Variants in PCDHA1 observed in about 807,000 individuals in gnomAD.
PCDHA1 encodes the protein protocadherin alpha-1.
PCDHA1 carries 42 observed loss-of-function variants against 61.3 expected under a neutral mutation model. The observed-to-expected ratio is 0.69, with a 90% CI of 0.54 to 0.89. PCDHA1 has a LOEUF of 0.89. Among genes scored for constraint, PCDHA1 ranks in the 40% least tolerant of loss-of-function variants. The pLI, the probability that PCDHA1 is intolerant of heterozygous loss-of-function variation, is 0.00. For synonymous variants in PCDHA1, 610 were observed against 553.8 expected, an observed-to-expected ratio of 1.10 and a Z score of -1.43; for missense variants, 1,256 against 1,235.3, an observed-to-expected ratio of 1.02 and a Z score of -0.25.
At chr5:140,821,906 T>G (rs2150111848) in intron 1 of PCDHA1, 2 of 1,614,228 alleles carry the variant, frequency 1.2e-6, no homozygotes, top group Non-Finnish European at 1.7e-6. Flanking sequence ...GGAACCTTCG[T>G]TGGCCGCATC....
intron 1 of PCDHA1, chr5:140,882,602 A>T: frequency 6.2e-7 from 1 of 1,614,276 alleles, no homozygotes; most frequent in Non-Finnish European, 8.5e-7. Flanking sequence ...GATCGTGGAC[A>T]GGCCTCTGCA....
chr5:140,839,351 T>C (rs1465264211), intron 1 of PCDHA1, among the ~76,000 whole-genome samples: 3 of 147,262 alleles, frequency 2.0e-5, no homozygotes, highest in Non-Finnish European at 4.5e-5. Context: ...GGATCCTCCT[T>C]AGCCACCTAA....
At chr5:140,875,884 C>T (rs531777396) in intron 1 of PCDHA1, 2 of 1,614,168 alleles carry the variant, frequency 1.2e-6, no homozygotes, top group South Asian at 2.2e-5. Flanking sequence ...AGAAAGGGAA[C>T]AAAAGGTACC....
chr5:140,836,719 G>A (rs1774695669), intron 1 of PCDHA1: 1 of 1,612,572 alleles, frequency 6.2e-7, no homozygotes, highest in African/African-American at 1.3e-5. Context: ...CTTCCTCAGG[G>A]TCCATCCTCT....
chr5:140,808,858 C>G (rs1451689285), intron 1 of PCDHA1: 1 of 1,612,970 alleles, frequency 6.2e-7, no homozygotes, highest in Non-Finnish European at 8.5e-7. Flanking sequence ...TCGTGCTGGA[C>G]GAAAACGACA....
chr5:140,860,841 T>C (rs251367), intron 1 of PCDHA1: 102,021 of 152,038 alleles, frequency 0.67, 34,407 homozygotes, highest in Middle Eastern at 0.71. Context: ...AGGTTCACGC[T>C]ATTCTCCTGC....
chr5:140,841,293 TA>T (rs1554138064), intron 1 of PCDHA1: 1 of 1,494,496 alleles, frequency 6.7e-7, no homozygotes, highest in African/African-American at 1.4e-5. Flanking sequence ...ATTAAGATAA[TA>T]TTTTCTGATA....
At chr5:140,960,405 C>T (rs2095547214) in intron 1 of PCDHA1, among the ~76,000 whole-genome samples, 1 of 151,828 alleles carries the variant, frequency 6.6e-6, no homozygotes, top group Non-Finnish European at 1.5e-5. Context: ...AGGGGGGGTG[C>T]CCAAAAAGTC....
chr5:140,873,418 A>C (rs2054276774), intron 1 of PCDHA1, among the ~76,000 whole-genome samples: 1 of 152,174 alleles, frequency 6.6e-6, no homozygotes. Flanking sequence ...AATTTTGTAA[A>C]TTATTATTTT....
intron 1 of PCDHA1, chr5:140,825,492 G>C (rs1768599231): frequency 6.7e-6 from 1 of 150,372 alleles, no homozygotes; most frequent in Admixed American, 6.6e-5. Flanking sequence ...GCCCAAACGA[G>C]TGCAATGGTA....
chr5:140,883,950 A>G (rs373518493), intron 1 of PCDHA1: 3 of 1,613,288 alleles, frequency 1.9e-6, no homozygotes, highest in South Asian at 1.1e-5. Flanking sequence ...GAGAACGACA[A>G]CGCTCCGGCG....
intron 1 of PCDHA1, among the ~76,000 whole-genome samples, chr5:140,888,729 T>G (rs1214867910): frequency 6.6e-6 from 1 of 152,156 alleles, no homozygotes; most frequent in Admixed American, 6.5e-5. Context: ...CAGCCCTTTG[T>G]GAGCTCTAGG....
chr5:141,010,408 A>G lies in PCDHA1; in HGVS notation c.*471A>G. 1 of 1,251,364 alleles carries G rather than the reference A, an allele frequency of 8.0e-7. No homozygotes were observed. Among genetic ancestry groups the G allele is most frequent in the Non-Finnish European group, 1.1e-6 (1 of 926,828 alleles). 77.5% of individuals were successfully genotyped at this position (1,251,364 alleles called of 1,614,324 possible). ...GGCTGAGACGAGCCAGCTTAGACTA[A>G]TTGGTACAAGGAAGGCAAGAAAACA... On this transcript the variant is annotated 3_prime_UTR_variant, in exon 4 of 4. Transcript: ENST00000504120.
chr5:140,870,632 A>G, intron 1 of PCDHA1: 1 of 1,612,930 alleles, frequency 6.2e-7, no homozygotes, highest in Non-Finnish European at 8.5e-7. Flanking sequence ...GTGTCGGTGC[A>G]CGCGGAGAGC....
chr5:140,791,477 T>G (rs1761652875), intron 1 of PCDHA1, among the ~76,000 whole-genome samples: 1 of 152,188 alleles, frequency 6.6e-6, no homozygotes, highest in Non-Finnish European at 1.5e-5. Context: ...GAAATAAAAT[T>G]ATGTTTATTT....
chr5:140,962,511 C>T (rs1164554453), intron 1 of PCDHA1, among the ~76,000 whole-genome samples: 1 of 152,106 alleles, frequency 6.6e-6, no homozygotes, highest in Non-Finnish European at 1.5e-5. Flanking sequence ...AGCCAACTAT[C>T]AATAATATAT....
intron 1 of PCDHA1, among the ~76,000 whole-genome samples, chr5:140,891,735 A>G (rs1200695234): frequency 2.6e-5 from 4 of 152,172 alleles, no homozygotes; most frequent in African/African-American, 9.7e-5. Context: ...TGAAAATTCA[A>G]TCCCTTATAC....
At chr5:140,803,235 T>A (rs782475199) in intron 1 of PCDHA1, 4 of 1,613,770 alleles carry the variant, frequency 2.5e-6, no homozygotes, top group South Asian at 2.2e-5. Context: ...CAAGGCCTCG[T>A]CCCAGGCGTC....
chr5:140,834,278 A>G (rs1772879632), intron 1 of PCDHA1: 2 of 1,087,966 alleles, frequency 1.8e-6, no homozygotes, highest in Admixed American at 2.3e-5. Flanking sequence ...CACTCTTTGG[A>G]TGCACAACAA....
Sources: gnomAD v4.1 joint callset for allele counts (sites outside exome capture counted in the v4.1 genomes callset) on GRCh38, gnomAD v4.1.1 for gene constraint, MANE v1.5 for transcripts, NCBI Gene and HGNC (gene_info 2026-07-23, HGNC 2026-07-21) for gene names.